CDKAL1: variants seen among roughly 807,000 people sequenced by gnomAD.
CDKAL1 encodes CDKAL1 threonylcarbamoyladenosine tRNA methylthiotransferase, also known as threonylcarbamoyladenosine tRNA methylthiotransferase.
A neutral mutation model predicts 68.2 loss-of-function variants in CDKAL1; 32 were observed. The observed-to-expected ratio is 0.47, with a 90% CI of 0.35 to 0.63. CDKAL1 has a LOEUF of 0.63. Ranked by LOEUF, CDKAL1 falls within the 30% of genes least tolerant of loss-of-function variation. The probability of loss-of-function intolerance (pLI) is 0.00; values close to 1 mark genes in which losing one functional copy is unlikely to be tolerated. For missense variants in CDKAL1, 606 were observed against 696.7 expected, an observed-to-expected ratio of 0.87 and a Z score of 1.47; for synonymous variants, 234 against 244.3, an observed-to-expected ratio of 0.96 and a Z score of 0.39.
At chr6:20,879,414 A>G (rs764785360) in intron 9 of CDKAL1, among the ~76,000 whole-genome samples, 3 of 152,194 alleles carry the variant, frequency 2.0e-5, no homozygotes, top group Non-Finnish European at 4.4e-5. Context: ...AATATATAAT[A>G]TCTCCCGCCT....
intron 5 of CDKAL1, among the ~76,000 whole-genome samples, chr6:20,690,215 A>G (rs952861841): frequency 2.6e-5 from 4 of 152,196 alleles, no homozygotes; most frequent in Non-Finnish European, 5.9e-5. Flanking sequence ...TGGCTATGTA[A>G]TATTTCATTT....
chr6:21,224,401 C>T (rs1268413104), intron 15 of CDKAL1, among the ~76,000 whole-genome samples: 1 of 152,132 alleles, frequency 6.6e-6, no homozygotes, highest in Non-Finnish European at 1.5e-5. Flanking sequence ...GTGACACGCG[C>T]TACTCGGGAG....
intron 9 of CDKAL1, among the ~76,000 whole-genome samples, chr6:20,938,026 T>C (rs1235557860): frequency 1.3e-5 from 2 of 152,188 alleles, no homozygotes; most frequent in African/African-American, 4.8e-5. Flanking sequence ...TATCTTACCT[T>C]TTACATTCAG....
chr6:20,584,548 C>G lies in CDKAL1; in HGVS notation c.286+35843C>G, dbSNP rs1282284264. ...GATGTGGTTGGTCATAACTGTGATC[C>G]CTTTTCTTCTCTATAATGCTGAGTG... On this transcript the variant is annotated intron_variant, in intron 4 of 15. Coordinates refer to ENST00000274695, the MANE Select transcript of CDKAL1 (RefSeq NM_017774.3). 4.6e-5 allele frequency among the ~76,000 whole-genome samples: 7 copies of G among 152,188 alleles called. No individual in the cohort carries two copies. In the South Asian group the frequency reaches 6.2e-4, roughly 14 times the overall value.
chr6:20,662,085 G>GA (rs997957155), intron 5 of CDKAL1, among the ~76,000 whole-genome samples: 2 of 151,906 alleles, frequency 1.3e-5, no homozygotes, highest in African/African-American at 2.4e-5. Flanking sequence ...TAACAGCAGA[G>GA]AAAAAAAGGC....
At chr6:20,734,794 C>G (rs1773109983) in intron 5 of CDKAL1, among the ~76,000 whole-genome samples, 1 of 151,848 alleles carries the variant, frequency 6.6e-6, no homozygotes, top group Non-Finnish European at 1.5e-5. Flanking sequence ...AAACGCCTTC[C>G]TGGGCTCAAG....
intron 12 of CDKAL1, among the ~76,000 whole-genome samples, chr6:21,087,603 C>T (rs1267295352): frequency 6.6e-6 from 1 of 152,136 alleles, no homozygotes; most frequent in Admixed American, 6.6e-5. Context: ...CCTCCAAAAA[C>T]ATCAGATATT....
chr6:20,956,582 G>T (rs978888549), intron 10 of CDKAL1, among the ~76,000 whole-genome samples: 1 of 152,108 alleles, frequency 6.6e-6, no homozygotes, highest in African/African-American at 2.4e-5. Flanking sequence ...CAGTATGTTT[G>T]TGCAGAAAAA....
intron 11 of CDKAL1, among the ~76,000 whole-genome samples, chr6:21,035,332 G>A (rs1561978630): frequency 6.6e-6 from 1 of 152,076 alleles, no homozygotes; most frequent in Non-Finnish European, 1.5e-5. Flanking sequence ...GGAAATCTCT[G>A]AGACAAGACA....
At chr6:21,143,378 G>T (rs965578943) in intron 13 of CDKAL1, among the ~76,000 whole-genome samples, 1 of 152,028 alleles carries the variant, frequency 6.6e-6, no homozygotes, top group Non-Finnish European at 1.5e-5. Flanking sequence ...TGTATCTCAG[G>T]AGTGTAAGGT....
intron 8 of CDKAL1, among the ~76,000 whole-genome samples, chr6:20,827,438 A>G (rs1424058934): frequency 6.6e-6 from 1 of 152,214 alleles, no homozygotes; most frequent in African/African-American, 2.4e-5. Flanking sequence ...TTTTTTTAAC[A>G]ATAGCAAAGA....
intron 5 of CDKAL1, among the ~76,000 whole-genome samples, chr6:20,649,851 G>A (rs529738131): frequency 1.3e-5 from 2 of 152,218 alleles, no homozygotes; most frequent in East Asian, 3.9e-4. Context: ...AGTTTGGTGC[G>A]GATGACGGCT....
At chr6:20,756,919 C>CCTT (rs1581520520) in intron 6 of CDKAL1, among the ~76,000 whole-genome samples, 1 of 118,860 alleles carries the variant, frequency 8.4e-6, no homozygotes, top group Admixed American at 8.8e-5. Flanking sequence ...TTCCTTCCTT[C>CCTT]CTTCCCTCCT....
At chr6:21,202,799 G>A (rs1157101594) in intron 15 of CDKAL1, among the ~76,000 whole-genome samples, 4 of 152,100 alleles carry the variant, frequency 2.6e-5, no homozygotes, top group South Asian at 2.1e-4. Flanking sequence ...GGGCAGTTCC[G>A]TTTAAATTCT....
chr6:20,863,542 T>A (rs1341777674), intron 9 of CDKAL1, among the ~76,000 whole-genome samples: 1 of 152,228 alleles, frequency 6.6e-6, no homozygotes, highest in Non-Finnish European at 1.5e-5. Flanking sequence ...TCTTTTGCCT[T>A]ACTAATTGGA....
intron 4 of CDKAL1, among the ~76,000 whole-genome samples, chr6:20,557,783 C>T (rs1337929034): frequency 6.6e-6 from 1 of 151,996 alleles, no homozygotes; most frequent in African/African-American, 2.4e-5. Context: ...AAAAATTAGC[C>T]CAGCGTGGTG....
At chr6:21,122,038 T>G (rs1312792352) in intron 13 of CDKAL1, among the ~76,000 whole-genome samples, 1 of 152,202 alleles carries the variant, frequency 6.6e-6, no homozygotes, top group Non-Finnish European at 1.5e-5. Context: ...CTAAGCCCTA[T>G]GGAGCTCAGT....
chr6:20,850,859 G>C (rs1366410500), intron 9 of CDKAL1, among the ~76,000 whole-genome samples: 2 of 152,090 alleles, frequency 1.3e-5, no homozygotes, highest in African/African-American at 4.8e-5. Context: ...ATATAAAATG[G>C]CTTCCCACAA....
At chr6:21,230,010 T>A (rs1779895728) in intron 15 of CDKAL1, among the ~76,000 whole-genome samples, 1 of 152,108 alleles carries the variant, frequency 6.6e-6, no homozygotes, top group Non-Finnish European at 1.5e-5. Context: ...ATGATGATAG[T>A]ATTTGTATGG....
Sources: allele counts gnomAD v4.1 joint callset (sites outside exome capture counted in the v4.1 genomes callset), GRCh38; gene constraint gnomAD v4.1.1; transcripts MANE v1.5; gene names NCBI Gene and HGNC (gene_info 2026-07-23, HGNC 2026-07-21).